AGBL4: variants seen among roughly 807,000 people sequenced by gnomAD.
AGBL4 encodes the protein AGBL carboxypeptidase 4.
In AGBL4, 58 loss-of-function variants were observed where a neutral mutation model predicts 66.4. The ratio of observed to expected loss-of-function variants is 0.87; its 90% CI spans 0.71 to 1.09. The LOEUF is 1.09. Among genes scored for constraint, AGBL4 ranks in the 50% least tolerant of loss-of-function variants. AGBL4 has a pLI of 0.00. For synonymous variants in AGBL4, 234 were observed against 222.9 expected (o/e 1.05, Z -0.44); for missense variants, 579 against 631.0 (o/e 0.92, Z 0.88).
At chr1:50,007,265 C>G (rs1242536703) in intron 1 of AGBL4, among the ~76,000 whole-genome samples, 1 of 151,840 alleles carries the variant, frequency 6.6e-6, no homozygotes, top group Non-Finnish European at 1.5e-5. Context: ...TATACCTCAC[C>G]ACAGAAAATA....
At position 49,583,467 on chromosome 1, in the gene AGBL4, G is replaced by A. The variant is rs181382831; in HGVS notation, c.282+113846C>T. ...AGAAAATTATCAAACCCAAGGAGGG[G>A]TGTCATCAAAATTACTGATTTTTAG... On this transcript the variant is annotated intron_variant, in intron 3 of 13. Transcript: ENST00000371839. 2.6e-5 allele frequency among the ~76,000 whole-genome samples: 4 copies of A among 152,272 alleles called. No individual in the cohort carries two copies. The East Asian group carries it at 7.7e-4, about 29-fold the overall frequency.
chr1:48,738,170 T>C (rs893698414), intron 6 of AGBL4, among the ~76,000 whole-genome samples: 2 of 152,172 alleles, frequency 1.3e-5, no homozygotes, highest in Admixed American at 6.5e-5. Context: ...CCTTTACCAA[T>C]TACTGAAATT....
chr1:48,884,512 G>A (rs759256963), intron 5 of AGBL4, among the ~76,000 whole-genome samples: 4 of 152,058 alleles, frequency 2.6e-5, no homozygotes, highest in African/African-American at 4.8e-5. Context: ...GTTTCTCTGA[G>A]TCAAATCTTT....
intron 3 of AGBL4, chr1:49,268,268 A>C (rs1036133449): frequency 6.6e-6 from 1 of 152,120 alleles, no homozygotes; most frequent in Non-Finnish European, 1.5e-5. Flanking sequence ...AGGTATATAC[A>C]TCTGTTTTTT....
chr1:49,509,946 C>A lies in AGBL4; in HGVS notation c.282+187367G>T, dbSNP rs28730499. Among the ~76,000 whole-genome samples, 1,219 of 152,114 alleles carry A rather than the reference C, an allele frequency of 8.0e-3. 14 individuals are homozygous for A. The highest frequency in any genetic ancestry group is 0.031 in the Middle Eastern group (9 of 294). On this transcript the variant is annotated intron_variant, in intron 3 of 13. Transcript: ENST00000371839. ...TTCCTTTAGGAAGAAAACTACTGAACTCTTGTATCTCAATCTGACAATTCA... is the reference window on the plus strand; with the variant it reads ...TTCCTTTAGGAAGAAAACTACTGAAATCTTGTATCTCAATCTGACAATTCA...
At chr1:49,642,445 G>C (rs181372383) in intron 3 of AGBL4, among the ~76,000 whole-genome samples, 1 of 152,064 alleles carries the variant, frequency 6.6e-6, no homozygotes, top group African/African-American at 2.4e-5. Context: ...GAAGAAGCTG[G>C]AAGCTCAAGA....
intron 2 of AGBL4, among the ~76,000 whole-genome samples, chr1:49,807,475 C>T (rs944815079): frequency 1.3e-5 from 2 of 152,166 alleles, no homozygotes; most frequent in Non-Finnish European, 2.9e-5. Context: ...ACTGTCTCAC[C>T]ACTGTAATGT....
At chr1:49,497,148 G>T (rs1205932731) in intron 3 of AGBL4, among the ~76,000 whole-genome samples, 1 of 151,810 alleles carries the variant, frequency 6.6e-6, no homozygotes, top group Non-Finnish European at 1.5e-5. Context: ...TTTTTTATAT[G>T]CCTGTTGGCC....
intron 9 of AGBL4, among the ~76,000 whole-genome samples, chr1:48,604,129 T>TAA (rs1645118102): frequency 7.8e-6 from 1 of 127,696 alleles, no homozygotes; most frequent in Middle Eastern, 3.6e-3. Flanking sequence ...CGAGACTTCA[T>TAA]CTCAAAACAA....
At chr1:48,577,911 G>A (rs1206578121) in intron 11 of AGBL4, among the ~76,000 whole-genome samples, 3 of 152,184 alleles carry the variant, frequency 2.0e-5, no homozygotes, top group Admixed American at 6.5e-5. Context: ...CAGGGAGGAA[G>A]GTTAGATAAA....
chr1:49,952,628 C>G (rs780476170), intron 1 of AGBL4, among the ~76,000 whole-genome samples: 3 of 151,900 alleles, frequency 2.0e-5, no homozygotes, highest in Non-Finnish European at 4.4e-5. Flanking sequence ...CTTTTGACCT[C>G]TATTCACTGC....
chr1:49,676,055 C>T (rs1197272754), intron 3 of AGBL4, among the ~76,000 whole-genome samples: 1 of 151,916 alleles, frequency 6.6e-6, no homozygotes, highest in African/African-American at 2.4e-5. Context: ...CATAATAATC[C>T]TAAGGGGTAA....
chr1:49,933,515 G>A (rs1306973118), intron 1 of AGBL4, among the ~76,000 whole-genome samples: 1 of 152,032 alleles, frequency 6.6e-6, no homozygotes, highest in Non-Finnish European at 1.5e-5. Flanking sequence ...CTGTCATACT[G>A]TAATGATAGA....
chr1:48,531,403 A>G (rs1476081179), downstream of AGBL4, among the ~76,000 whole-genome samples: 1 of 152,134 alleles, frequency 6.6e-6, no homozygotes, highest in Non-Finnish European at 1.5e-5. Context: ...GATGCTTCGG[A>G]GCATTCAGCT....
At chr1:49,333,752 C>T (rs1308124838) in intron 3 of AGBL4, among the ~76,000 whole-genome samples, 1 of 152,028 alleles carries the variant, frequency 6.6e-6, no homozygotes, top group Admixed American at 6.6e-5. Flanking sequence ...TTTTTCAAGG[C>T]CAGGAACATG....
At position 49,104,401 on chromosome 1, in the gene AGBL4, T is replaced by C. The variant is rs577812208; in HGVS notation, c.378-58601A>G. On this transcript the variant is annotated intron_variant, in intron 4 of 13. Transcript: ENST00000371839. ...ATCATACATTAAATAGAGAAGCAGG[T>C]ACAATTATTTTTTTTCAGAGATTAG... is the stretch of plus-strand genomic sequence containing the variant. Among the ~76,000 whole-genome samples, 3 of 152,142 alleles carry C rather than the reference T, an allele frequency of 2.0e-5. No individual in the cohort carries two copies. In the South Asian group the frequency reaches 6.2e-4, roughly 31 times the overall value.
Position 49,768,057 on chromosome 1 carries a change from T to C in AGBL4, c.158-70620A>G, listed in dbSNP as rs531673353. ...AAACCCTGTCAACCAAAATGAGCCC[T>C]AGACCTGATGGATTCACAGCCGAAT... On this transcript the variant is annotated intron_variant, in intron 2 of 13. Transcript: ENST00000371839. Among the ~76,000 whole-genome samples the C allele has an allele frequency of 2.2e-3, 333 of 151,504 alleles. 1 individual carries two copies. The highest frequency in any genetic ancestry group is 7.3e-3 in the African/African-American group (301 of 41,326).
chr1:49,843,676 C>G (rs1447899807), intron 2 of AGBL4, among the ~76,000 whole-genome samples: 2 of 152,294 alleles, frequency 1.3e-5, no homozygotes. Flanking sequence ...TTAATTCCTC[C>G]CTCCCATGTA....
intron 2 of AGBL4, among the ~76,000 whole-genome samples, chr1:49,709,630 G>C (rs758804307): frequency 6.6e-6 from 1 of 152,166 alleles, no homozygotes; most frequent in Non-Finnish European, 1.5e-5. Flanking sequence ...AAGAGCTTCT[G>C]TACGGCAAAA....
Sources: gnomAD v4.1 joint callset for allele counts (sites outside exome capture counted in the v4.1 genomes callset) on GRCh38, gnomAD v4.1.1 for gene constraint, MANE v1.5 for transcripts, NCBI Gene and HGNC (gene_info 2026-07-23, HGNC 2026-07-21) for gene names.